CAMSAP1: variants seen among roughly 807,000 people sequenced by gnomAD.
The protein encoded by CAMSAP1 is calmodulin regulated spectrin associated protein 1.
A neutral mutation model predicts 143.5 loss-of-function variants in CAMSAP1; 58 were observed. The observed-to-expected ratio is 0.40, with a 90% CI of 0.33 to 0.50. The LOEUF is 0.50. Ranked by LOEUF, CAMSAP1 falls within the 20% of genes least tolerant of loss-of-function variation. The probability of loss-of-function intolerance (pLI) is 0.45; values close to 1 mark genes in which losing one functional copy is unlikely to be tolerated. For synonymous variants in CAMSAP1, 945 were observed against 859.3 expected, an observed-to-expected ratio of 1.10 and a Z score of -1.74; for missense variants, 1,969 against 2,115.7, an observed-to-expected ratio of 0.93 and a Z score of 1.36.
chr9:135,876,377 T>C (rs1837748911), intron 3 of CAMSAP1, among the ~76,000 whole-genome samples: 1 of 152,184 alleles, frequency 6.6e-6, no homozygotes, highest in South Asian at 2.1e-4. Flanking sequence ...CTAAAAACTC[T>C]TGCAACTTGG....
In CAMSAP1 at chr9:135,811,480, G is replaced by T; in HGVS notation, c.4638C>A (p.Asn1546Lys). Reference sequence around the variant, plus strand: ...GTTTGTCGATCATTTTCTTGGTGATGTTCTTTGGCCCCGTGCCAGTGAGTT... The same window carrying T: ...GTTTGTCGATCATTTTCTTGGTGATTTTCTTTGGCCCCGTGCCAGTGAGTT... ...IYKLTGTGPK[N>K]ITKKMIDKLY... The change falls in exon 17 of 17, where the codon AAC (asparagine) becomes AAA (lysine). Residue 1546 changes from asparagine to lysine, a missense_variant. Asn to Lys is a moderately conservative substitution (Grantham distance 94). This residue lies in a region of CAMSAP1 where 143 missense variants were observed against 200.6 expected (regional missense o/e 0.71). Coordinates refer to ENST00000389532, the MANE Select transcript of CAMSAP1 (RefSeq NM_015447.4). The surrounding 1 kb of genome is among the most constrained non-coding windows in gnomAD (Gnocchi z 4.9). 6.2e-7 allele frequency: 1 copy of T among 1,611,614 alleles called. No individual in the cohort carries two copies. Among genetic ancestry groups the T allele is most frequent in the Non-Finnish European group, 8.5e-7 (1 of 1,178,736 alleles).
intron 7 of CAMSAP1, among the ~76,000 whole-genome samples, chr9:135,841,482 C>T (rs1836350095): frequency 1.3e-5 from 2 of 152,224 alleles, no homozygotes; most frequent in African/African-American, 2.4e-5. Flanking sequence ...GCTCTCCCAG[C>T]ACAGCGCTCA....
chr9:135,889,912 C>T (rs1838234591), intron 1 of CAMSAP1, among the ~76,000 whole-genome samples: 1 of 150,502 alleles, frequency 6.6e-6, no homozygotes, highest in Non-Finnish European at 1.5e-5. Flanking sequence ...GCTCGCTCCC[C>T]TGAGCTCACG....
At chr9:135,900,179 C>A (rs1187497197) in intron 1 of CAMSAP1, among the ~76,000 whole-genome samples, 1 of 152,074 alleles carries the variant, frequency 6.6e-6, no homozygotes, top group Non-Finnish European at 1.5e-5. Context: ...GCGTGCACCA[C>A]CATGCCCAAC....
Position 135,906,967 on chromosome 9 carries a change from T to C in CAMSAP1, c.160+33A>G, listed in dbSNP as rs886122469. On this transcript the variant is annotated intron_variant, in intron 1 of 16. Coordinates refer to ENST00000389532, the MANE Select transcript of CAMSAP1 (RefSeq NM_015447.4). ...GTCCCCCGGCCCCGGCCCGCGCCCC[T>C]GGCCCCCGCCCCGCGCCCCTCACCC... 4.4e-6 allele frequency: 4 copies of C among 914,164 alleles called. No individual in the cohort carries two copies. In the South Asian group the frequency reaches 1.5e-4, roughly 33 times the overall value. The allele number at this position is 914,164 out of a possible 1,614,324, so 56.6% of individuals were successfully genotyped here.
chr9:135,836,679 G>A lies in CAMSAP1; in HGVS notation c.1046-9095C>T, dbSNP rs117240317. The A allele has an allele frequency of 4.2e-3, 4,025 of 960,396 alleles. 13 individuals are homozygous for A. The highest frequency in any genetic ancestry group is 4.5e-3 in the Non-Finnish European group (3,727 of 823,960). 59.5% of individuals were successfully genotyped at this position (960,396 alleles called of 1,614,324 possible). On this transcript the variant is annotated intron_variant, in intron 7 of 16. Coordinates refer to ENST00000389532, the MANE Select transcript of CAMSAP1 (RefSeq NM_015447.4). Reference sequence around the variant, plus strand: ...TTTCTACCCCGTTCTACAGACACACGTCACCACGCACTTCTACCCTGTTCT... The same window carrying A: ...TTTCTACCCCGTTCTACAGACACACATCACCACGCACTTCTACCCTGTTCT...
Position 135,865,299 on chromosome 9 carries a change from T to C in CAMSAP1, c.666+1157A>G, listed in dbSNP as rs1244624597. The C allele has an allele frequency of 9.0e-6, 14 of 1,549,618 alleles. No individual in the cohort carries two copies. The South Asian group carries it at 1.3e-4, about 14-fold the overall frequency. Reference sequence around the variant, plus strand: ...AAGTGATCGCGACAGGATGGCTCTGTAGATGGCAGCTGGCGGCTTGGGGTT... The same window carrying C: ...AAGTGATCGCGACAGGATGGCTCTGCAGATGGCAGCTGGCGGCTTGGGGTT... On this transcript the variant is annotated intron_variant, in intron 4 of 16. Coordinates refer to ENST00000389532, the MANE Select transcript of CAMSAP1 (RefSeq NM_015447.4).
chr9:135,837,005 C>G, intron 7 of CAMSAP1: 1 of 936,930 alleles, frequency 1.1e-6, no homozygotes, highest in Non-Finnish European at 1.3e-6. Context: ...CACTTTCTAC[C>G]TGTTCTAGAG....
At chr9:135,833,208 A>G (rs377338908) in intron 7 of CAMSAP1, among the ~76,000 whole-genome samples, 9 of 151,262 alleles carry the variant, frequency 5.9e-5, no homozygotes, top group African/African-American at 2.2e-4. Context: ...CAGCCTCCCA[A>G]GTAGCTGGGA....
At chr9:135,874,464 C>T (rs1425524760) in intron 3 of CAMSAP1, among the ~76,000 whole-genome samples, 1 of 127,280 alleles carries the variant, frequency 7.9e-6, no homozygotes, top group African/African-American at 3.1e-5. Context: ...CAGGGTGAGA[C>T]CCTGTCTCAA....
At position 135,813,577 on chromosome 9, in the gene CAMSAP1, G is replaced by A. The variant is rs564756597; in HGVS notation, c.4506+1520C>T. 5.5e-3 allele frequency among the ~76,000 whole-genome samples: 842 copies of A among 152,336 alleles called. 7 individuals carry two copies. The highest frequency in any genetic ancestry group is 0.019 in the African/African-American group (793 of 41,578). On this transcript the variant is annotated intron_variant, in intron 16 of 16. Coordinates refer to ENST00000389532, the MANE Select transcript of CAMSAP1 (RefSeq NM_015447.4). ...CTTATTTACTTATTGCTGCCTGCACGATAAGGAAGCGTGTGGTGCCCACAG... is the reference window on the plus strand; with the variant it reads ...CTTATTTACTTATTGCTGCCTGCACAATAAGGAAGCGTGTGGTGCCCACAG...
At chr9:135,896,943 A>G (rs1838474069) in intron 1 of CAMSAP1, among the ~76,000 whole-genome samples, 1 of 152,170 alleles carries the variant, frequency 6.6e-6, no homozygotes, top group South Asian at 2.1e-4. Flanking sequence ...GGTGCCATCT[A>G]TGAGGAACAG....
intron 7 of CAMSAP1, among the ~76,000 whole-genome samples, chr9:135,848,445 A>T (rs1836654927): frequency 1.3e-5 from 2 of 152,158 alleles, no homozygotes; most frequent in Admixed American, 6.5e-5. Flanking sequence ...CAGAAGAGAA[A>T]GTCACGGGTC....
chr9:135,813,699 G>A (rs1427739129), intron 16 of CAMSAP1, among the ~76,000 whole-genome samples: 7 of 152,208 alleles, frequency 4.6e-5, no homozygotes, highest in African/African-American at 9.6e-5. Flanking sequence ...TGCAGAGCTC[G>A]CTCCCAGTCA....
Position 135,822,730 on chromosome 9 carries a change from C to T in CAMSAP1, c.1931G>A (p.Arg644His), listed in dbSNP as rs369094948. The change falls in exon 11 of 17, where the codon CGC (arginine) becomes CAC (histidine). Residue 644 changes from arginine (R) to histidine (H), a missense_variant. By Grantham distance (29) the Arg-to-His change is conservative. Transcript: ENST00000389532. The surrounding 1 kb of genome is among the most constrained non-coding windows in gnomAD (Gnocchi z 6.1). The part of the protein sequence containing the change: ...PLVRRKMTGS[R>H]DLNRTFTPIP... ...CGGGGTAAAAGTCCTATTCAAGTCG[C>T]GACTGCCAGTCATTTTCCTTCGTAC... 11 of 1,612,142 alleles carry T rather than the reference C, an allele frequency of 6.8e-6. No individual in the cohort carries two copies. Among genetic ancestry groups the T allele is most frequent in the African/African-American group, 6.7e-5 (5 of 74,766 alleles).
In CAMSAP1 at chr9:135,906,052, G is replaced by A. The variant is rs145724811; in HGVS notation, c.160+948C>T. 3.3e-5 allele frequency among the ~76,000 whole-genome samples: 5 copies of A among 152,340 alleles called. No homozygotes were observed. In the East Asian group the frequency reaches 9.6e-4, roughly 29 times the overall value. ...AGTACAAAAACCAGTTTGAAATAAG[G>A]CGAGTTATTTAATCCCTAAAACTTA... On this transcript the variant is annotated intron_variant, in intron 1 of 16. Transcript: ENST00000389532.
Position 135,882,904 on chromosome 9 carries a change from T to C in CAMSAP1, c.335A>G (p.Gln112Arg). The change falls in exon 2 of 17, where the codon CAG becomes CGG. Residue 112 changes from glutamine (Q) to arginine (R), a missense_variant. Gln to Arg is a conservative substitution (Grantham distance 43). Around this residue, in one of 4 missense-constraint regions of CAMSAP1, gnomAD observed 215 missense variants for 196.2 expected, o/e 1.10. Transcript: ENST00000389532. The surrounding 1 kb of genome is among the most constrained non-coding windows in gnomAD (Gnocchi z 4.9). ...AALQGHQSVI[Q>R]ALSRKGIYVM... ...ATAGATCCCTTTCCGGGACAGGGCC[T>C]GGATGACAGACTGGTGTCCCTGTAA... The C allele has an allele frequency of 6.4e-7, 1 of 1,551,698 alleles. No homozygotes were observed. Among genetic ancestry groups the C allele is most frequent in the Non-Finnish European group, 8.7e-7 (1 of 1,146,996 alleles).
At chr9:135,873,557 TGAAA>T (rs1179013670) in intron 3 of CAMSAP1, among the ~76,000 whole-genome samples, 1 of 151,804 alleles carries the variant, frequency 6.6e-6, no homozygotes, top group African/African-American at 2.4e-5. Context: ...TAAAGAAAAA[TGAAA>T]GAAATTGCCA....
chr9:135,821,275 G>A lies in CAMSAP1; in HGVS notation c.3386C>T (p.Thr1129Met), dbSNP rs765811813. Reference sequence around the variant, plus strand: ...AGGGAAGGGTCTCAAGTGCGGGAGCGTCTCTACACTGGGCGTTGGGGTTTT... The same window carrying A: ...AGGGAAGGGTCTCAAGTGCGGGAGCATCTCTACACTGGGCGTTGGGGTTTT... ...RSKTPTPSVE[T>M]LPHLRPFPAS... The change falls in exon 11 of 17, where the codon ACG (threonine) becomes ATG (methionine). Residue 1129 changes from threonine (T) to methionine (M), a missense_variant. Around this residue, in one of 4 missense-constraint regions of CAMSAP1, gnomAD observed 1,390 missense variants for 1,420.8 expected, o/e 0.98. Transcript: ENST00000389532. The surrounding 1 kb of genome is among the most constrained non-coding windows in gnomAD (Gnocchi z 4.6). 23 of 1,610,266 alleles carry A rather than the reference G, an allele frequency of 1.4e-5. No individual in the cohort carries two copies. The highest frequency in any genetic ancestry group is 1.3e-4 in the African/African-American group (10 of 74,944).
Sources: gnomAD v4.1 joint callset for allele counts (sites outside exome capture counted in the v4.1 genomes callset) on GRCh38, gnomAD v4.1.1 for gene constraint, gnomAD v4.1.1 regional missense constraint, Gnocchi (gnomAD v3.1) non-coding constraint, MANE v1.5 for transcripts, NCBI Gene and HGNC (gene_info 2026-07-23, HGNC 2026-07-21) for gene names.